The following BBX variants were observed in gnomAD, a reference collection of about 807,000 sequenced individuals.
BBX encodes BBX high mobility group box domain containing.
A neutral mutation model predicts 100.2 loss-of-function variants in BBX; 30 were observed. The observed-to-expected ratio is 0.30, with a 90% CI of 0.22 to 0.41. The LOEUF (loss-of-function observed/expected upper bound fraction) is 0.41. Ranked by LOEUF, BBX falls within the 10% of genes least tolerant of loss-of-function variation. The pLI, the probability that BBX is intolerant of heterozygous loss-of-function variation, is 1.00. For missense variants in BBX, 1,023 were observed against 1,129.8 expected, an observed-to-expected ratio of 0.91 and a Z score of 1.35; for synonymous variants, 376 against 388.1, an observed-to-expected ratio of 0.97 and a Z score of 0.37.
Position 107,747,956 on chromosome 3 carries a change from T to G in BBX, c.751-9T>G. 1 of 1,607,754 alleles carries G rather than the reference T, an allele frequency of 6.2e-7. No individual in the cohort carries two copies. Among genetic ancestry groups the G allele is most frequent in the Non-Finnish European group, 8.5e-7 (1 of 1,176,612 alleles). On this transcript the variant is annotated splice_polypyrimidine_tract_variant and intron_variant, in intron 8 of 17. Coordinates refer to ENST00000325805, the MANE Select transcript of BBX (RefSeq NM_001142568.3). Reference sequence around the variant, plus strand: ...CATTGTATATTAAAAATTGCTTGTTTCCTTTCAGATATCTTCAAGTACGTC... The same window carrying G: ...CATTGTATATTAAAAATTGCTTGTTGCCTTTCAGATATCTTCAAGTACGTC...
intron 2 of BBX, among the ~76,000 whole-genome samples, chr3:107,586,732 G>A (rs952600848): frequency 3.9e-5 from 6 of 151,904 alleles, no homozygotes; most frequent in African/African-American, 9.7e-5. Context: ...TTATTGTGAT[G>A]TTGTAAGGAA....
Position 107,693,883 on chromosome 3 carries a change from G to A in BBX, c.-9-16569G>A, listed in dbSNP as rs1414441153. Among the ~76,000 whole-genome samples the A allele has an allele frequency of 3.3e-5, 5 of 150,520 alleles. No homozygotes were observed. The South Asian group carries it at 6.2e-4, about 19-fold the overall frequency. On this transcript the variant is annotated intron_variant, in intron 3 of 17. Coordinates refer to ENST00000325805, the MANE Select transcript of BBX (RefSeq NM_001142568.3). ...TCCTCTTTTATTTCCTTGAGCAGTG[G>A]TTTGTAGTTCTCCTTGAAGAGGTCC...
At chr3:107,616,068 T>TTTTTTA (rs1314818211) in intron 2 of BBX, among the ~76,000 whole-genome samples, 11 of 146,592 alleles carry the variant, frequency 7.5e-5, no homozygotes, top group Non-Finnish European at 1.3e-4. Flanking sequence ...GTTTAAAATT[T>TTTTTTA]TTTTTAACTA....
intron 3 of BBX, chr3:107,662,797 A>C (rs1301173843): frequency 6.6e-6 from 1 of 152,138 alleles, no homozygotes; most frequent in South Asian, 2.1e-4. Context: ...TGGGCAATCT[A>C]CTTCACAATG....
At chr3:107,647,820 C>T (rs1020147535) in intron 3 of BBX, among the ~76,000 whole-genome samples, 1 of 152,256 alleles carries the variant, frequency 6.6e-6, no homozygotes, top group East Asian at 1.9e-4. Context: ...CACTCCGCTC[C>T]GTGTCCTCTT....
intron 16 of BBX, among the ~76,000 whole-genome samples, 159 bp downstream of exon 16, chr3:107,798,879 G>A (rs187546005): frequency 2.0e-5 from 3 of 151,042 alleles, no homozygotes; most frequent in African/African-American, 4.9e-5. Flanking sequence ...GGCCAGGCGC[G>A]GTGGCTCACG....
intron 5 of BBX, among the ~76,000 whole-genome samples, chr3:107,726,035 CCTGT>C (rs1373110371): frequency 6.6e-6 from 1 of 151,946 alleles, no homozygotes; most frequent in Non-Finnish European, 1.5e-5. Context: ...ATATCTGGGG[CCTGT>C]CTCTTAGGCC....
At chr3:107,647,498 A>G (rs1247914395) in intron 3 of BBX, among the ~76,000 whole-genome samples, 4 of 152,252 alleles carry the variant, frequency 2.6e-5, no homozygotes, top group Admixed American at 6.5e-5. Flanking sequence ...CACTGCTGAT[A>G]AAATTTAAAA....
chr3:107,664,233 T>G (rs532498396), intron 3 of BBX, among the ~76,000 whole-genome samples: 1 of 152,196 alleles, frequency 6.6e-6, no homozygotes, highest in Non-Finnish European at 1.5e-5. Context: ...GTTCAGGAGT[T>G]GAATTGTTAG....
At chr3:107,696,587 C>A (rs1329593370) in intron 3 of BBX, among the ~76,000 whole-genome samples, 31 of 151,874 alleles carry the variant, frequency 2.0e-4, no homozygotes, top group Non-Finnish European at 3.5e-4. Flanking sequence ...TGATAGGCTT[C>A]CCTTTGAGGG....
At chr3:107,631,335 G>C (rs980604166) in intron 2 of BBX, among the ~76,000 whole-genome samples, 4 of 152,188 alleles carry the variant, frequency 2.6e-5, no homozygotes, top group Admixed American at 6.5e-5. Context: ...AAGATGTTTA[G>C]ATTAAAACAA....
chr3:107,526,364 C>G lies in BBX; in HGVS notation c.-118C>G, dbSNP rs2047778140. The G allele has an allele frequency of 7.5e-6, 3 of 398,578 alleles. No individual in the cohort carries two copies. Among genetic ancestry groups the G allele is most frequent in the Non-Finnish European group, 1.3e-5 (3 of 226,102 alleles). The allele number at this position is 398,578 out of a possible 1,614,324, so 24.7% of individuals were successfully genotyped here. On this transcript the variant is annotated 5_prime_UTR_variant, in exon 2 of 18. In the 5' UTR this introduces an upstream ATG that the reference lacks. Coordinates refer to ENST00000325805, the MANE Select transcript of BBX (RefSeq NM_001142568.3). ...TGACAAAGGCTTTGCCGCAGTTCAT[C>G]TTCCTCCCTGTGTACTTTCCATTTG...
chr3:107,796,121 CAG>C (rs1403346155), intron 15 of BBX, among the ~76,000 whole-genome samples: 1 of 152,180 alleles, frequency 6.6e-6, no homozygotes, highest in African/African-American at 2.4e-5. Flanking sequence ...AATGAAGAAA[CAG>C]AGGCCCATGG....
intron 3 of BBX, among the ~76,000 whole-genome samples, chr3:107,688,687 A>G (rs1463799630): frequency 1.3e-5 from 2 of 152,168 alleles, no homozygotes; most frequent in Non-Finnish European, 2.9e-5. Context: ...TTATTATTAT[A>G]TAGGTTTTAT....
At chr3:107,750,888 A>G (rs1424736107) in intron 9 of BBX, among the ~76,000 whole-genome samples, 1 of 152,100 alleles carries the variant, frequency 6.6e-6, no homozygotes, top group Non-Finnish European at 1.5e-5. Flanking sequence ...TCTTGTTTTA[A>G]TTAGTCAAAA....
At chr3:107,703,851 A>C (rs2061231580) in intron 3 of BBX, among the ~76,000 whole-genome samples, 1 of 152,202 alleles carries the variant, frequency 6.6e-6, no homozygotes, top group East Asian at 1.9e-4. Context: ...TTTAATTGTC[A>C]CTTGGCATCA....
intron 2 of BBX, among the ~76,000 whole-genome samples, chr3:107,628,279 G>A (rs936847521): frequency 2.0e-5 from 3 of 151,848 alleles, no homozygotes; most frequent in Non-Finnish European, 4.4e-5. Flanking sequence ...GAGTAGAATT[G>A]CTAATAAGTA....
chr3:107,547,454 A>G (rs576028135), intron 2 of BBX, among the ~76,000 whole-genome samples: 2 of 152,242 alleles, frequency 1.3e-5, no homozygotes, highest in Non-Finnish European at 2.9e-5. Context: ...ATGAAATGTA[A>G]GGCTGAATTT....
intron 3 of BBX, among the ~76,000 whole-genome samples, chr3:107,687,372 G>T (rs1229401943): frequency 6.6e-6 from 1 of 151,300 alleles, no homozygotes; most frequent in Non-Finnish European, 1.5e-5. Context: ...GCTCTGTGAA[G>T]GCCCGCATAG....
Sources: gnomAD v4.1 joint callset for allele counts (sites outside exome capture counted in the v4.1 genomes callset) on GRCh38, gnomAD v4.1.1 for gene constraint, MANE v1.5 for transcripts, NCBI Gene and HGNC (gene_info 2026-07-23, HGNC 2026-07-21) for gene names.